KIAA0232: variants seen among roughly 807,000 people sequenced by gnomAD.
KIAA0232 encodes the protein KIAA0232.
A neutral mutation model predicts 122.0 loss-of-function variants in KIAA0232; 27 were observed. The observed-to-expected ratio is 0.22, with a 90% CI of 0.16 to 0.31. The LOEUF is 0.31. KIAA0232 is among the 10% of genes least tolerant of loss of function. The pLI is 1.00. For missense variants in KIAA0232, 1,551 were observed against 1,634.2 expected (o/e 0.95, Z 0.88); for synonymous variants, 613 against 587.6 (o/e 1.04, Z -0.63).
intron 3 of KIAA0232, among the ~76,000 whole-genome samples, chr4:6,831,316 A>G (rs1299652508): frequency 6.6e-6 from 1 of 152,154 alleles, no homozygotes; most frequent in East Asian, 1.9e-4. Flanking sequence ...GGCCTCCCAA[A>G]GCGCTGGGAT....
chr4:6,872,897 T>C (rs1198240688), intron 8 of KIAA0232, among the ~76,000 whole-genome samples: 3 of 152,212 alleles, frequency 2.0e-5, no homozygotes, highest in Non-Finnish European at 2.9e-5. Flanking sequence ...GTTGACTCTT[T>C]AGGAGTGGAG....
chr4:6,792,789 A>G (rs1716961968), intron 1 of KIAA0232, among the ~76,000 whole-genome samples: 1 of 149,556 alleles, frequency 6.7e-6, no homozygotes, highest in African/African-American at 2.5e-5. Flanking sequence ...TCCTGGGTTC[A>G]CGCCATTCTC....
chr4:6,803,203 GCA>G (rs1491575557), intron 1 of KIAA0232, among the ~76,000 whole-genome samples: 1 of 99,542 alleles, frequency 1.0e-5, no homozygotes, highest in East Asian at 3.2e-4. Flanking sequence ...TAAAATGAGT[GCA>G]TATATATATA....
intron 8 of KIAA0232, among the ~76,000 whole-genome samples, chr4:6,874,387 C>T (rs1721647199): frequency 6.6e-6 from 1 of 152,146 alleles, no homozygotes; most frequent in Non-Finnish European, 1.5e-5. Context: ...ATGCCCCCAA[C>T]ATGACTGGCA....
intron 1 of KIAA0232, among the ~76,000 whole-genome samples, chr4:6,790,474 A>C (rs917286711): frequency 1.4e-5 from 2 of 147,098 alleles, no homozygotes; most frequent in African/African-American, 5.1e-5. Context: ...AGCTCACTAC[A>C]GCCAGGACCT....
Position 6,861,705 on chromosome 4 carries a change from G to A in KIAA0232, c.1323G>A (p.Leu441=). 1 of 1,614,142 alleles carries A rather than the reference G, an allele frequency of 6.2e-7. No homozygotes were observed. Among genetic ancestry groups the A allele is most frequent in the Non-Finnish European group, 8.5e-7 (1 of 1,180,030 alleles). Residue 441 remains leucine, a synonymous_variant, in exon 7 of 10, where the codon TTG becomes TTA. Transcript: ENST00000307659. Reference sequence around the variant, plus strand: ...TGACATCAGAGGCAGTGGAAGAATTGTCTGAATCAGTGCATGGTCTTTGTA... The same window carrying A: ...TGACATCAGAGGCAGTGGAAGAATTATCTGAATCAGTGCATGGTCTTTGTA... The part of the protein sequence containing the change: ...SDLTSEAVEE[L]SESVHGLCIS...
At chr4:6,834,350 ATAGT>A (rs1486866162) in intron 3 of KIAA0232, among the ~76,000 whole-genome samples, 1 of 152,234 alleles carries the variant, frequency 6.6e-6, no homozygotes, top group Non-Finnish European at 1.5e-5. Flanking sequence ...TACTGATAAT[ATAGT>A]TAGAGGAATA....
rs911141053 is a variant in KIAA0232 at position 6,858,837 on chromosome 4, C to T, written c.518+331C>T. Among the ~76,000 whole-genome samples the T allele has an allele frequency of 2.0e-5, 3 of 152,270 alleles. No homozygotes were observed. The East Asian group carries it at 5.8e-4, about 29-fold the overall frequency. On this transcript the variant is annotated intron_variant, in intron 6 of 9. Transcript: ENST00000307659. ...AGAAATTAGGATTATCAGCCGGGCACAGTGGCTCATGTCAGTAATCCCAGC... is the reference window on the plus strand; with the variant it reads ...AGAAATTAGGATTATCAGCCGGGCATAGTGGCTCATGTCAGTAATCCCAGC...
chr4:6,821,928 C>G (rs1378828407), intron 2 of KIAA0232, among the ~76,000 whole-genome samples: 1 of 151,884 alleles, frequency 6.6e-6, no homozygotes, highest in African/African-American at 2.4e-5. Flanking sequence ...ATTATCTGCT[C>G]ACTTGCATTG....
chr4:6,796,589 C>G (rs536189863), intron 1 of KIAA0232, among the ~76,000 whole-genome samples: 1 of 152,274 alleles, frequency 6.6e-6, no homozygotes, highest in South Asian at 2.1e-4. Context: ...TTAAAGAAAG[C>G]TCTAACATAG....
chr4:6,827,877 T>C (rs560853975), intron 3 of KIAA0232, among the ~76,000 whole-genome samples: 4 of 152,242 alleles, frequency 2.6e-5, no homozygotes, highest in Non-Finnish European at 4.4e-5. Context: ...ATGTTTCTTC[T>C]TTCTTTTTTT....
chr4:6,789,207 G>T (rs191708129), intron 1 of KIAA0232, among the ~76,000 whole-genome samples: 3 of 151,452 alleles, frequency 2.0e-5, no homozygotes, highest in Non-Finnish European at 4.4e-5. Flanking sequence ...TCCTGACCTC[G>T]TGGTCTGCCC....
intron 1 of KIAA0232, among the ~76,000 whole-genome samples, chr4:6,801,136 CTTTG>C (rs146653436): frequency 4.8e-4 from 73 of 152,284 alleles, no homozygotes; most frequent in African/African-American, 1.6e-3. Flanking sequence ...TCCAGTAGAA[CTTTG>C]TTTGATAATG....
intron 8 of KIAA0232, among the ~76,000 whole-genome samples, chr4:6,872,775 C>T (rs1721560739): frequency 6.6e-6 from 1 of 152,264 alleles, no homozygotes; most frequent in South Asian, 2.1e-4. Context: ...AGTGACTTCT[C>T]TCTCACTAGC....
intron 4 of KIAA0232, among the ~76,000 whole-genome samples, chr4:6,844,236 G>A (rs1282810664): frequency 6.6e-6 from 1 of 151,620 alleles, no homozygotes; most frequent in Admixed American, 6.6e-5. Flanking sequence ...CACCGCACCC[G>A]ACCAAGTTAC....
chr4:6,797,269 C>A (rs550655176), intron 1 of KIAA0232, among the ~76,000 whole-genome samples: 9 of 152,270 alleles, frequency 5.9e-5, no homozygotes, highest in African/African-American at 2.2e-4. Context: ...TGAAAAAGAT[C>A]AGGTAGCACC....
chr4:6,832,351 T>C (rs1297698530), intron 3 of KIAA0232, among the ~76,000 whole-genome samples: 2 of 140,642 alleles, frequency 1.4e-5, no homozygotes, highest in African/African-American at 5.3e-5. Flanking sequence ...AGTTGGGGCC[T>C]TTTTTTTTTT....
chr4:6,869,002 C>A (rs995202164), intron 7 of KIAA0232, among the ~76,000 whole-genome samples: 11 of 152,164 alleles, frequency 7.2e-5, no homozygotes, highest in Non-Finnish European at 1.6e-4. Flanking sequence ...AACTTTTCTT[C>A]ACGTCAGCAG....
intron 1 of KIAA0232, among the ~76,000 whole-genome samples, chr4:6,795,204 A>G (rs1483013082): frequency 6.6e-6 from 1 of 151,918 alleles, no homozygotes; most frequent in Admixed American, 6.6e-5. Context: ...CTGAGCAGCT[A>G]GGACTACAGG....
Sources: gnomAD v4.1 joint callset for allele counts (sites outside exome capture counted in the v4.1 genomes callset) on GRCh38, gnomAD v4.1.1 for gene constraint, MANE v1.5 for transcripts, NCBI Gene and HGNC (gene_info 2026-07-23, HGNC 2026-07-21) for gene names.